Variants in RARB observed in about 807,000 individuals in gnomAD.
The protein encoded by RARB is HBV-activated protein.
Under a neutral mutation model 51.9 loss-of-function variants are expected in RARB, and 17 were observed. The ratio of observed to expected loss-of-function variants is 0.33; its 90% CI spans 0.22 to 0.49. The LOEUF is 0.49. Among genes scored for constraint, RARB ranks in the 20% least tolerant of loss-of-function variants. RARB has a pLI of 0.99. For missense variants in RARB, 369 were observed against 550.8 expected (o/e 0.67, Z 3.30); for synonymous variants, 215 against 195.4 (o/e 1.10, Z -0.84).
Position 25,103,303 on chromosome 3 carries a change from C to T in RARB, c.-327-28858C>T, listed in dbSNP as rs532306424. On this transcript the variant is annotated intron_variant, in intron 3 of 11. Transcript: ENST00000383772. ...AATGAGTACTTCTTAAAACATTTCA[C>T]AGGTGATATGCACCGTTGTAAGTGA... 2.6e-5 allele frequency among the ~76,000 whole-genome samples: 4 copies of T among 152,284 alleles called. No homozygotes were observed. In the East Asian group the frequency reaches 7.7e-4, roughly 29 times the overall value.
At chr3:24,836,417 G>A (rs1483147833) in intron 1 of RARB, among the ~76,000 whole-genome samples, 1 of 152,118 alleles carries the variant, frequency 6.6e-6, no homozygotes, top group Non-Finnish European at 1.5e-5. Context: ...GAAAACACTG[G>A]CAGTCAAAAA....
At chr3:25,150,140 G>A (rs1051256049) in intron 4 of RARB, among the ~76,000 whole-genome samples, 6 of 151,698 alleles carry the variant, frequency 4.0e-5, no homozygotes, top group African/African-American at 1.5e-4. Context: ...GGCACAGGTT[G>A]CAGTGAGCCG....
At chr3:25,541,064 G>C (rs546095581) in intron 3 of RARB, among the ~76,000 whole-genome samples, 1 of 152,314 alleles carries the variant, frequency 6.6e-6, no homozygotes, top group East Asian at 1.9e-4. Flanking sequence ...TGTAAATAAA[G>C]TTTTTTTGGA....
At chr3:24,921,309 C>G (rs573486582) in intron 2 of RARB, among the ~76,000 whole-genome samples, 1 of 152,166 alleles carries the variant, frequency 6.6e-6, no homozygotes, top group African/African-American at 2.4e-5. Context: ...TGCTTTTACC[C>G]CAGTGTAACG....
At chr3:25,028,681 A>T (rs1040311927) in intron 2 of RARB, among the ~76,000 whole-genome samples, 2 of 152,176 alleles carry the variant, frequency 1.3e-5, no homozygotes, top group African/African-American at 4.8e-5. Context: ...AACCTGGTTT[A>T]CCGGGAGAGC....
chr3:25,347,208 G>A (rs913397923), intron 5 of RARB, among the ~76,000 whole-genome samples: 2 of 152,162 alleles, frequency 1.3e-5, no homozygotes, highest in Non-Finnish European at 2.9e-5. Context: ...TGGCTGACTG[G>A]CTTCATGCTG....
At chr3:25,535,372 T>G (rs1320594140) in intron 3 of RARB, among the ~76,000 whole-genome samples, 2 of 151,658 alleles carry the variant, frequency 1.3e-5, no homozygotes, top group African/African-American at 4.8e-5. Context: ...CCATGGGACA[T>G]CGGGCAAATA....
intron 5 of RARB, among the ~76,000 whole-genome samples, chr3:25,380,725 T>C (rs1706600528): frequency 6.6e-6 from 1 of 152,194 alleles, no homozygotes; most frequent in Non-Finnish European, 1.5e-5. Flanking sequence ...AAATGCCCAA[T>C]TATAGCAACT....
chr3:25,109,062 C>A (rs1699557121), intron 3 of RARB, among the ~76,000 whole-genome samples: 1 of 152,066 alleles, frequency 6.6e-6, no homozygotes, highest in South Asian at 2.1e-4. Flanking sequence ...TTTAAAGTTG[C>A]CATTTCTTAG....
chr3:25,076,964 G>A (rs906579101), intron 3 of RARB, among the ~76,000 whole-genome samples: 1 of 152,138 alleles, frequency 6.6e-6, no homozygotes, highest in Non-Finnish European at 1.5e-5. Flanking sequence ...TTGTAAGTGA[G>A]GACATCAGGT....
At position 24,838,619 on chromosome 3, in the gene RARB, C is replaced by G. The variant is rs1238132416; in HGVS notation, c.-459+9216C>G. 4.6e-5 allele frequency among the ~76,000 whole-genome samples: 7 copies of G among 152,222 alleles called. No individual in the cohort carries two copies. The East Asian group carries it at 1.2e-3, about 25-fold the overall frequency. On this transcript the variant is annotated intron_variant, in intron 1 of 11. Coordinates refer to the RARB transcript ENST00000383772. ...GAGTAAAGATAGCCATGGTATTAAA[C>G]AAAACAGAAATAGTTTATTTAATTT... is the stretch of plus-strand genomic sequence containing the variant.
chr3:25,545,563 C>G (rs1699585785), intron 3 of RARB, among the ~76,000 whole-genome samples: 1 of 152,216 alleles, frequency 6.6e-6, no homozygotes, highest in Non-Finnish European at 1.5e-5. Flanking sequence ...TCCCTCCGTG[C>G]CCCTGTGTGT....
rs561172184 is a variant in RARB at position 25,010,841 on chromosome 3, C to T, written c.-379-49284C>T. The stretch of plus-strand genomic sequence containing the variant: ...CTTTTAAACTCTCAGAAAATATTGC[C>T]GTGACTCTTTTTGATATTCATGTAA... On this transcript the variant is annotated intron_variant, in intron 2 of 11. Coordinates refer to the RARB transcript ENST00000383772. Among the ~76,000 whole-genome samples the T allele has an allele frequency of 1.0e-3, 152 of 152,152 alleles. 1 individual carries two copies. Among genetic ancestry groups the T allele is most frequent in the Non-Finnish European group, 1.9e-3 (128 of 67,982 alleles).
At chr3:25,375,120 AC>A (rs1706420260) in intron 5 of RARB, among the ~76,000 whole-genome samples, 1 of 152,256 alleles carries the variant, frequency 6.6e-6, no homozygotes, top group Non-Finnish European at 1.5e-5. Context: ...AAACTGTGTT[AC>A]AGGAGATCTG....
chr3:25,537,434 A>G (rs893711616), intron 3 of RARB, among the ~76,000 whole-genome samples: 1 of 152,226 alleles, frequency 6.6e-6, no homozygotes, highest in East Asian at 1.9e-4. Flanking sequence ...GTGCACACAC[A>G]AACGTCACTT....
chr3:25,587,542 C>A (rs943165601), intron 5 of RARB, among the ~76,000 whole-genome samples: 2 of 152,080 alleles, frequency 1.3e-5, no homozygotes, highest in African/African-American at 4.8e-5. Context: ...ACAATGGCTG[C>A]TAGAGTACTG....
At chr3:25,174,515 C>T (rs1478023360) in exon 5 of RARB, 1 of 1,352,146 alleles carries the variant, frequency 7.4e-7, no homozygotes, top group Non-Finnish European at 9.8e-7. Flanking sequence ...TTCCCTGCCT[C>T]CCCTCCATGG....
At chr3:24,900,866 G>A (rs1182014988) in intron 2 of RARB, among the ~76,000 whole-genome samples, 2 of 151,600 alleles carry the variant, frequency 1.3e-5, no homozygotes, top group South Asian at 2.1e-4. Flanking sequence ...AGGAATATGA[G>A]AGAATAAATA....
intron 5 of RARB, among the ~76,000 whole-genome samples, chr3:25,334,509 T>C (rs1231674268): frequency 6.6e-6 from 1 of 151,946 alleles, no homozygotes; most frequent in Non-Finnish European, 1.5e-5. Context: ...ATGGGGAACA[T>C]CACACACTGG....
Sources: gnomAD v4.1 joint callset for allele counts (sites outside exome capture counted in the v4.1 genomes callset) on GRCh38, gnomAD v4.1.1 for gene constraint, MANE v1.5 for transcripts, NCBI Gene and HGNC (gene_info 2026-07-23, HGNC 2026-07-21) for gene names.